VWA8: variants seen among roughly 807,000 people sequenced by gnomAD.
VWA8 encodes the protein von Willebrand factor A domain-containing protein 8.
VWA8 carries 221 observed loss-of-function variants against 241.5 expected under a neutral mutation model. The observed-to-expected ratio is 0.91, with a 90% CI of 0.82 to 1.02. The LOEUF (loss-of-function observed/expected upper bound fraction) is 1.02. Ranked by LOEUF, VWA8 falls within the 50% of genes least tolerant of loss-of-function variation. The pLI is 0.00. For synonymous variants in VWA8, 852 were observed against 827.1 expected (o/e 1.03, Z -0.52); for missense variants, 2,322 against 2,328.7 (o/e 1.00, Z 0.06).
At chr13:41,699,363 C>T in intron 28 of VWA8, 93 bp from the exon 29 acceptor site, 5 of 1,217,132 alleles carry the variant, frequency 4.1e-6, no homozygotes, top group Middle Eastern at 2.5e-4. Flanking sequence ...GAATACACAG[C>T]TGGAACAGAG....
intron 21 of VWA8, among the ~76,000 whole-genome samples, chr13:41,739,050 T>G (rs2045546855): frequency 6.6e-6 from 1 of 152,186 alleles, no homozygotes; most frequent in Admixed American, 6.5e-5. Flanking sequence ...GGACTTTCTA[T>G]GGTCTTTTAT....
Position 41,570,541 on chromosome 13 carries a change from G to C in VWA8, c.5536C>G (p.Gln1846Glu), listed in dbSNP as rs764821064. 6.2e-7 allele frequency: 1 copy of C among 1,614,040 alleles called. No homozygotes were observed. Among genetic ancestry groups the C allele is most frequent in the East Asian group, 2.2e-5 (1 of 44,890 alleles). Residue 1846 changes from glutamine to glutamate, a missense_variant, in exon 44 of 45, where the codon CAA becomes GAA. Gln to Glu is a conservative substitution (Grantham distance 29). Coordinates refer to ENST00000379310, the MANE Select transcript of VWA8 (RefSeq NM_015058.2). ...RYGIHPAKFA[Q>E]ILTRDPQVNA... is the part of the protein sequence containing the mutation. ...ACTTGAGGGTCTCTTGTGAGGATTTGAGCAAACTTAGCAGGATGTATTCCA... is the reference window on the plus strand; with the variant it reads ...ACTTGAGGGTCTCTTGTGAGGATTTCAGCAAACTTAGCAGGATGTATTCCA...
At chr13:41,760,951 A>G (rs2045734631) in intron 21 of VWA8, among the ~76,000 whole-genome samples, 177 bp downstream of exon 21, 1 of 152,054 alleles carries the variant, frequency 6.6e-6, no homozygotes, top group Admixed American at 6.6e-5. Flanking sequence ...AGCCACTTTA[A>G]AAATAAATTT....
At chr13:41,688,821 T>G (rs1430696922) in intron 34 of VWA8, among the ~76,000 whole-genome samples, 1 of 151,928 alleles carries the variant, frequency 6.6e-6, no homozygotes, top group Non-Finnish European at 1.5e-5. Flanking sequence ...GACACCTACT[T>G]GAGGGTGGAG....
chr13:41,851,563 A>AT (rs1483747089), intron 12 of VWA8, among the ~76,000 whole-genome samples: 1 of 152,102 alleles, frequency 6.6e-6, no homozygotes, highest in African/African-American at 2.4e-5. Flanking sequence ...GTCTCATAAG[A>AT]TCTGATGGAT....
At position 41,831,613 on chromosome 13, in the gene VWA8, G is replaced by GTTTTT. The variant is rs71096547; in HGVS notation, c.1587-976_1587-972dup. Among the ~76,000 whole-genome samples the GTTTTT allele has an allele frequency of 2.5e-3, 280 of 113,366 alleles. 5 individuals carry two copies. Among genetic ancestry groups the GTTTTT allele is most frequent in the East Asian group, 4.4e-3 (16 of 3,662 alleles). The allele number at this position is 113,366 out of a possible 152,430, so 74.4% of individuals were successfully genotyped here. A position where few individuals can be genotyped will look rare whatever the true frequency, so the allele number is the denominator to read the frequency against. On this transcript the variant is annotated intron_variant, in intron 13 of 44. Transcript: ENST00000379310. ...TTCTGATGGTGAAGCCCAGGCATGA[G>GTTTTT]TTTTTTTTTTTTTTTTTTTTTTTGA...
intron 2 of VWA8, among the ~76,000 whole-genome samples, chr13:41,914,149 C>T (rs1261055982): frequency 1.3e-5 from 2 of 152,130 alleles, no homozygotes; most frequent in African/African-American, 2.4e-5. Flanking sequence ...GCTAAGATCA[C>T]GCCACTGCAC....
chr13:41,685,565 A>G (rs2045130847), intron 34 of VWA8, among the ~76,000 whole-genome samples: 1 of 152,146 alleles, frequency 6.6e-6, no homozygotes, highest in African/African-American at 2.4e-5. Flanking sequence ...TCTTGTCTTA[A>G]ACAAACAAAA....
chr13:41,587,775 G>A, intron 41 of VWA8, 105 bp from the exon 42 acceptor site: 1 of 1,391,016 alleles, frequency 7.2e-7, no homozygotes, highest in South Asian at 1.4e-5. Flanking sequence ...CCCGAGATGG[G>A]CAGACCAGCC....
At chr13:41,711,825 G>A (rs1304369829) in intron 26 of VWA8, among the ~76,000 whole-genome samples, 1 of 151,768 alleles carries the variant, frequency 6.6e-6, no homozygotes, top group Admixed American at 6.6e-5. Flanking sequence ...AGTGAGCCGA[G>A]ATCATGCCAC....
intron 35 of VWA8, among the ~76,000 whole-genome samples, chr13:41,678,777 G>A (rs969853860): frequency 2.0e-5 from 3 of 152,016 alleles, no homozygotes; most frequent in Non-Finnish European, 4.4e-5. Context: ...ATTTCAAGAA[G>A]TAGAAAGCAA....
At chr13:41,837,179 C>G (rs903618477) in intron 12 of VWA8, among the ~76,000 whole-genome samples, 3 of 152,120 alleles carry the variant, frequency 2.0e-5, no homozygotes, top group Admixed American at 2.0e-4. Flanking sequence ...TTCAGCCTCC[C>G]AAAGTGGCAA....
intron 21 of VWA8, among the ~76,000 whole-genome samples, chr13:41,751,168 T>C (rs1358215249): frequency 6.6e-6 from 1 of 152,080 alleles, no homozygotes. Context: ...TTAAATCAAT[T>C]TGGAGATCAT....
chr13:41,933,627 G>T (rs1322776957), intron 2 of VWA8, among the ~76,000 whole-genome samples: 1 of 151,940 alleles, frequency 6.6e-6, no homozygotes, highest in Non-Finnish European at 1.5e-5. Flanking sequence ...TAGATCAATG[G>T]AACAGAACAG....
At chr13:41,756,014 G>A (rs1205736245) in intron 21 of VWA8, among the ~76,000 whole-genome samples, 2 of 151,656 alleles carry the variant, frequency 1.3e-5, no homozygotes, top group Non-Finnish European at 3.0e-5. Flanking sequence ...ACATACAAAA[G>A]AGAGTTTCAA....
intron 1 of VWA8, among the ~76,000 whole-genome samples, chr13:41,958,657 T>C (rs925372272): frequency 1.6e-4 from 25 of 152,362 alleles, no homozygotes; most frequent in East Asian, 1.2e-3. Flanking sequence ...AAAAGTGTGC[T>C]GTCCATTTAC....
chr13:41,893,582 G>T (rs975241429), intron 4 of VWA8, among the ~76,000 whole-genome samples: 7 of 152,108 alleles, frequency 4.6e-5, no homozygotes, highest in Admixed American at 3.9e-4. Context: ...ATAGATTCTG[G>T]GATATTAAAA....
At chr13:41,572,258 G>T (rs1222448833) in intron 43 of VWA8, among the ~76,000 whole-genome samples, 1 of 152,222 alleles carries the variant, frequency 6.6e-6, no homozygotes, top group African/African-American at 2.4e-5. Flanking sequence ...CGTCTGGGAA[G>T]TGAGGAGCCC....
At position 41,759,009 on chromosome 13, in the gene VWA8, T is replaced by A. The variant is rs893547509; in HGVS notation, c.2426+2119A>T. ...AGCCTTGCATTCCTGAGATAAAACC[T>A]CCTTGGTTATGACATATTATTCTTT... On this transcript the variant is annotated intron_variant, in intron 21 of 44. Transcript: ENST00000379310. Among the ~76,000 whole-genome samples, 3 of 151,700 alleles carry A rather than the reference T, an allele frequency of 2.0e-5. No homozygotes were observed. The East Asian group carries it at 5.8e-4, about 29-fold the overall frequency.
Sources: gnomAD v4.1 joint callset for allele counts (sites outside exome capture counted in the v4.1 genomes callset) on GRCh38, gnomAD v4.1.1 for gene constraint, MANE v1.5 for transcripts, NCBI Gene and HGNC (gene_info 2026-07-23, HGNC 2026-07-21) for gene names.